The following UMAD1 variants were observed in gnomAD, a reference collection of about 807,000 sequenced individuals.
UMAD1 encodes the protein UBAP1-MVB12-associated (UMA)-domain containing protein 1.
UMAD1 carries 8 observed loss-of-function variants against 6.1 expected under a neutral mutation model. The ratio of observed to expected loss-of-function variants is 1.30; its 90% confidence interval spans 0.76 to 2.35. The LOEUF is 2.35. Among genes scored for constraint, UMAD1 ranks in the 30% most tolerant of loss-of-function variants. The pLI is 0.00. For synonymous variants in UMAD1, 56 were observed against 31.4 expected (o/e 1.78, Z -2.61); for missense variants, 130 against 78.4 (o/e 1.66, Z -2.49).
At chr7:7,642,950 A>G (rs1048185120) in intron 1 of UMAD1, among the ~76,000 whole-genome samples, 6 of 152,164 alleles carry the variant, frequency 3.9e-5, no homozygotes, top group Admixed American at 6.5e-5. Context: ...AAACGTATGT[A>G]TCTTCTGACT....
chr7:7,819,210 C>A (rs1783194831), intron 3 of UMAD1, among the ~76,000 whole-genome samples: 1 of 152,098 alleles, frequency 6.6e-6, no homozygotes, highest in African/African-American at 2.4e-5. Flanking sequence ...TTTTTAGCCC[C>A]ATAGTACAGG....
chr7:7,857,632 A>C (rs569540066), intron 3 of UMAD1, among the ~76,000 whole-genome samples: 1 of 152,362 alleles, frequency 6.6e-6, no homozygotes, highest in African/African-American at 2.4e-5. Context: ...GTAAACAGTT[A>C]TTTTTAAAAT....
intron 3 of UMAD1, among the ~76,000 whole-genome samples, chr7:7,811,068 G>A (rs1341195109): frequency 6.6e-6 from 1 of 152,110 alleles, no homozygotes; most frequent in Non-Finnish European, 1.5e-5. Context: ...CACTTATAAA[G>A]GCATATTTTC....
intron 2 of UMAD1, among the ~76,000 whole-genome samples, chr7:7,734,836 A>G (rs190183742): frequency 6.6e-6 from 1 of 152,162 alleles, no homozygotes; most frequent in Non-Finnish European, 1.5e-5. Flanking sequence ...TCATACATAA[A>G]ACAATGTGTT....
At chr7:7,731,569 G>A (rs1022998131) in intron 2 of UMAD1, among the ~76,000 whole-genome samples, 3 of 150,022 alleles carry the variant, frequency 2.0e-5, no homozygotes, top group African/African-American at 7.4e-5. Flanking sequence ...GGAGAATTAT[G>A]CCAAAGACTC....
chr7:7,673,587 T>A (rs1779666153), intron 2 of UMAD1, 134 bp downstream of exon 2: 1 of 606,652 alleles, frequency 1.6e-6, no homozygotes, highest in Non-Finnish European at 2.9e-6. Flanking sequence ...TTTTAAAGCG[T>A]AAAATCTGTA....
chr7:7,711,655 G>C (rs942968779), intron 2 of UMAD1, among the ~76,000 whole-genome samples: 8 of 152,054 alleles, frequency 5.3e-5, no homozygotes, highest in East Asian at 1.9e-4. Context: ...TTTTTGCTCA[G>C]TAAAATCACT....
At chr7:7,663,242 C>G (rs553449693) in intron 1 of UMAD1, among the ~76,000 whole-genome samples, 1 of 147,774 alleles carries the variant, frequency 6.8e-6, no homozygotes, top group African/African-American at 2.5e-5. Context: ...AGGGTTGGAA[C>G]TTGCAGTTTG....
chr7:7,774,550 T>C (rs1782163335), intron 2 of UMAD1, among the ~76,000 whole-genome samples: 1 of 152,248 alleles, frequency 6.6e-6, no homozygotes, highest in Non-Finnish European at 1.5e-5. Context: ...TGAGGTAGTA[T>C]AGTTATGGAA....
intron 2 of UMAD1, among the ~76,000 whole-genome samples, chr7:7,782,379 A>G (rs958027882): frequency 6.6e-6 from 1 of 152,138 alleles, no homozygotes; most frequent in Admixed American, 6.5e-5. Context: ...ATGCCTTCAT[A>G]CATGCGTGCA....
intron 2 of UMAD1, among the ~76,000 whole-genome samples, chr7:7,759,909 A>G (rs1032717178): frequency 6.6e-6 from 1 of 152,180 alleles, no homozygotes; most frequent in African/African-American, 2.4e-5. Context: ...CAGTGTTAAA[A>G]CATGGCTGCA....
intron 2 of UMAD1, among the ~76,000 whole-genome samples, chr7:7,768,096 T>C (rs1377026009): frequency 6.6e-6 from 1 of 152,196 alleles, no homozygotes; most frequent in African/African-American, 2.4e-5. Context: ...GAAATTTATT[T>C]GTTTGGGTTC....
intron 2 of UMAD1, among the ~76,000 whole-genome samples, chr7:7,748,637 G>A (rs1329271517): frequency 6.6e-6 from 1 of 151,986 alleles, no homozygotes; most frequent in Non-Finnish European, 1.5e-5. Flanking sequence ...TCATAATGCC[G>A]ATTTACACAT....
chr7:7,729,087 C>T lies in UMAD1; in HGVS notation c.82+55634C>T, dbSNP rs116059968. 5.2e-3 allele frequency among the ~76,000 whole-genome samples: 790 copies of T among 152,180 alleles called. 5 individuals carry two copies. Among genetic ancestry groups the T allele is most frequent in the African/African-American group, 0.018 (751 of 41,514 alleles). On this transcript the variant is annotated intron_variant, in intron 2 of 3. Coordinates refer to ENST00000682710, the MANE Select transcript of UMAD1 (RefSeq NM_001302348.2). ...AATGTATTTGTGTCGGAAATGGAAA[C>T]GTGAATGAGTTAACTGGATGGAGAA... is the stretch of plus-strand genomic sequence containing the variant.
intron 2 of UMAD1, among the ~76,000 whole-genome samples, chr7:7,719,560 TCA>T (rs1382581338): frequency 5.3e-5 from 8 of 152,208 alleles, no homozygotes; most frequent in African/African-American, 1.9e-4. Flanking sequence ...CAGTAGAGTC[TCA>T]CAAGGGATTT....
intron 2 of UMAD1, among the ~76,000 whole-genome samples, chr7:7,704,203 T>G (rs142733735): frequency 6.6e-6 from 1 of 152,308 alleles, no homozygotes; most frequent in African/African-American, 2.4e-5. Context: ...TAAGGATATT[T>G]GTAAAATTAT....
intron 3 of UMAD1, among the ~76,000 whole-genome samples, chr7:7,857,240 G>T (rs1583876747): frequency 6.6e-6 from 1 of 152,130 alleles, no homozygotes; most frequent in African/African-American, 2.4e-5. Flanking sequence ...ACAGTTAAGG[G>T]TCCACCCGGG....
At position 7,652,506 on chromosome 7, in the gene UMAD1, C is replaced by G. The variant is rs531239369; in HGVS notation, c.-64+11685C>G. On this transcript the variant is annotated intron_variant, in intron 1 of 3. Coordinates refer to ENST00000682710, the MANE Select transcript of UMAD1 (RefSeq NM_001302348.2). ...TTTGACTAGACTAGAATGTGAGTAACATTTTGCATGGTTAATGCATGGTTG... is the reference window on the plus strand; with the variant it reads ...TTTGACTAGACTAGAATGTGAGTAAGATTTTGCATGGTTAATGCATGGTTG... 4.6e-5 allele frequency among the ~76,000 whole-genome samples: 7 copies of G among 152,292 alleles called. No homozygotes were observed. In the South Asian group the frequency reaches 1.5e-3, roughly 32 times the overall value.
chr7:7,727,560 G>A (rs1457828808), intron 2 of UMAD1, among the ~76,000 whole-genome samples: 1 of 152,238 alleles, frequency 6.6e-6, no homozygotes, highest in Non-Finnish European at 1.5e-5. Context: ...AATCCTGGGT[G>A]TGTCTGTGAG....
Sources: gnomAD v4.1 joint callset for allele counts (sites outside exome capture counted in the v4.1 genomes callset) on GRCh38, gnomAD v4.1.1 for gene constraint, MANE v1.5 for transcripts, NCBI Gene and HGNC (gene_info 2026-07-23, HGNC 2026-07-21) for gene names.